KIF1B: variants seen among roughly 807,000 people sequenced by gnomAD.
KIF1B encodes kinesin-like protein KIF1B.
In KIF1B, 76 loss-of-function variants were observed where a neutral mutation model predicts 241.9. The ratio of observed to expected loss-of-function variants is 0.31; its 90% CI spans 0.26 to 0.38. The LOEUF (loss-of-function observed/expected upper bound fraction) is 0.38, where lower values mean the gene tolerates loss of function less well. KIF1B is among the 10% of genes least tolerant of loss of function. The pLI, the probability that KIF1B is intolerant of heterozygous loss-of-function variation, is 1.00. For missense variants in KIF1B, 1,622 were observed against 2,271.4 expected, an observed-to-expected ratio of 0.71 and a Z score of 5.81; for synonymous variants, 750 against 796.7, an observed-to-expected ratio of 0.94 and a Z score of 0.99.
intron 37 of KIF1B, among the ~76,000 whole-genome samples, chr1:10,351,734 G>A (rs1569878696): frequency 6.6e-6 from 1 of 152,228 alleles, no homozygotes. Flanking sequence ...GGGAGGCCAA[G>A]GCAGGAGGAT....
rs998980655 is a variant in KIF1B at position 10,377,811 on chromosome 1, C to T, written c.*1224C>T. The T allele has an allele frequency of 3.8e-5, 7 of 183,992 alleles. No individual in the cohort carries two copies. The highest frequency in any genetic ancestry group is 8.1e-5 in the Non-Finnish European group (7 of 86,798). 11.4% of individuals were successfully genotyped at this position (183,992 alleles called of 1,614,324 possible). On this transcript the variant is annotated 3_prime_UTR_variant, in exon 49 of 49. Transcript: ENST00000676179. The stretch of plus-strand genomic sequence containing the variant: ...ATTAGTCGGGTATGGTGGCACATGC[C>T]TGTAATTCCAGCTGCTTGGGAGCCT...
At chr1:10,297,778 A>G (rs558414324) in intron 22 of KIF1B, among the ~76,000 whole-genome samples, 1 of 151,564 alleles carries the variant, frequency 6.6e-6, no homozygotes, top group Non-Finnish European at 1.5e-5. Flanking sequence ...TATCCCCTGC[A>G]TGGAGTCTGA....
chr1:10,349,575 A>G (rs1652713608), intron 37 of KIF1B, among the ~76,000 whole-genome samples: 1 of 152,196 alleles, frequency 6.6e-6, no homozygotes, highest in Non-Finnish European at 1.5e-5. Flanking sequence ...GAGAGTTAAC[A>G]GTGAAAACAA....
chr1:10,274,924 G>C (rs1010896707), intron 10 of KIF1B: 1 of 394,998 alleles, frequency 2.5e-6, no homozygotes, highest in African/African-American at 2.2e-5. Context: ...GTAAGAAAAA[G>C]GATAAAAAAT....
chr1:10,373,061 C>T (rs141163457), intron 45 of KIF1B, among the ~76,000 whole-genome samples: 1,953 of 151,736 alleles, frequency 0.013, 43 homozygotes, highest in African/African-American at 0.045. Flanking sequence ...ATGATCCACC[C>T]GCCTCGACCT....
intron 2 of KIF1B, among the ~76,000 whole-genome samples, chr1:10,250,156 A>T (rs4846205): frequency 0.32 from 48,383 of 151,848 alleles, 7,813 homozygotes; most frequent in Middle Eastern, 0.37. Flanking sequence ...ATGGAATATT[A>T]TCATACCTAC....
chr1:10,368,493 C>A lies in KIF1B; in HGVS notation c.4779C>A (p.Phe1593Leu), dbSNP rs766475937. Reference protein sequence around the residue: ...TKCLQLLTHTFNREFSQVHGS... With the variant: ...TKCLQLLTHTLNREFSQVHGS... The stretch of plus-strand genomic sequence containing the variant: ...GCCTGCAACTTCTCACCCACACTTT[C>A]AACAGAGAATTCAGCCAGGTGCACG... Residue 1593 changes from phenylalanine to leucine, a missense_variant, in exon 44 of 49, where the codon TTC becomes TTA. Physicochemically the swap from Phe to Leu is conservative, Grantham distance 22. This residue lies in a region of KIF1B where 357 missense variants were observed against 409.0 expected (regional missense o/e 0.87). Coordinates refer to ENST00000676179, the MANE Select transcript of KIF1B (RefSeq NM_001365951.3). The A allele has an allele frequency of 1.8e-5, 29 of 1,613,946 alleles. No individual in the cohort carries two copies. Among genetic ancestry groups the A allele is most frequent in the Non-Finnish European group, 2.5e-5 (29 of 1,179,968 alleles).
intron 32 of KIF1B, 57 bp from the exon 33 acceptor site, chr1:10,341,993 A>G: frequency 9.2e-7 from 1 of 1,089,580 alleles, no homozygotes; most frequent in South Asian, 1.2e-5. Flanking sequence ...TAAAGTTCTG[A>G]TTGAAGCAAA....
At chr1:10,368,964 A>G (rs1343446927) in intron 44 of KIF1B, among the ~76,000 whole-genome samples, 2 of 152,078 alleles carry the variant, frequency 1.3e-5, no homozygotes, top group African/African-American at 4.8e-5. Context: ...AGTCAGCTTG[A>G]CCTTAAACCC....
intron 35 of KIF1B, among the ~76,000 whole-genome samples, chr1:10,347,211 A>G (rs916291110): frequency 6.6e-6 from 1 of 152,210 alleles, no homozygotes; most frequent in South Asian, 2.1e-4. Flanking sequence ...ATGTTCTCCT[A>G]TATGTAATTC....
At chr1:10,366,275 T>G (rs752181691) in intron 43 of KIF1B, among the ~76,000 whole-genome samples, 18 of 151,832 alleles carry the variant, frequency 1.2e-4, no homozygotes, top group Non-Finnish European at 2.4e-4. Flanking sequence ...TTAAAAAATA[T>G]AAAGGTTGCA....
Position 10,324,851 on chromosome 1 carries a change from C to T in KIF1B, c.2631C>T (p.Ser877=), listed in dbSNP as rs200060590. 6.2e-6 allele frequency: 10 copies of T among 1,613,950 alleles called. No individual in the cohort carries two copies. The highest frequency in any genetic ancestry group is 2.7e-5 in the African/African-American group (2 of 74,888). ...AAAGCGAAACCACTGTGACTGGCAGCGATCCCTTCTATGATCGGTTCCACT... is the reference window on the plus strand; with the variant it reads ...AAAGCGAAACCACTGTGACTGGCAGTGATCCCTTCTATGATCGGTTCCACT... ...QDESETTVTG[S]DPFYDRFHWF... The change falls in exon 26 of 49, where the codon AGC becomes AGT. Residue 877 remains serine (S), a synonymous_variant. Transcript: ENST00000676179.
intron 28 of KIF1B, among the ~76,000 whole-genome samples, chr1:10,335,860 G>T (rs1652149403): frequency 6.6e-6 from 1 of 151,290 alleles, no homozygotes; most frequent in African/African-American, 2.4e-5. Context: ...AAAAGATTTT[G>T]GTATTTTCCA....
intron 8 of KIF1B, among the ~76,000 whole-genome samples, 189 bp downstream of exon 8, chr1:10,271,768 C>A (rs1004691267): frequency 1.3e-5 from 2 of 152,136 alleles, no homozygotes; most frequent in Non-Finnish European, 2.9e-5. Flanking sequence ...TGTGTCTGTC[C>A]TTCTACGGAA....
At chr1:10,340,428 A>C (rs1008814425) in intron 32 of KIF1B, among the ~76,000 whole-genome samples, 1 of 152,206 alleles carries the variant, frequency 6.6e-6, no homozygotes, top group Admixed American at 6.5e-5. Context: ...GCTAATATTC[A>C]CTGAGAGTTT....
At chr1:10,300,903 T>C (rs1015702065) in intron 22 of KIF1B, among the ~76,000 whole-genome samples, 2 of 152,238 alleles carry the variant, frequency 1.3e-5, no homozygotes, top group East Asian at 1.9e-4. Flanking sequence ...GTGGGAGTTA[T>C]AAATGGGCTT....
chr1:10,316,168 G>A (rs1366730814), intron 22 of KIF1B, among the ~76,000 whole-genome samples: 1 of 151,252 alleles, frequency 6.6e-6, no homozygotes, highest in Non-Finnish European at 1.5e-5. Flanking sequence ...GAGAGGTCAA[G>A]GTTATAGTGA....
chr1:10,351,454 G>A (rs1265721428), intron 37 of KIF1B, among the ~76,000 whole-genome samples: 1 of 152,152 alleles, frequency 6.6e-6, no homozygotes, highest in Non-Finnish European at 1.5e-5. Context: ...AATCCTCATA[G>A]CAACCATATA....
At chr1:10,316,441 G>C (rs1180413683) in intron 22 of KIF1B, among the ~76,000 whole-genome samples, 1 of 151,450 alleles carries the variant, frequency 6.6e-6, no homozygotes, top group Non-Finnish European at 1.5e-5. Flanking sequence ...TGGATCGTAT[G>C]CATATCCTGT....
Sources: gnomAD v4.1 joint callset for allele counts (sites outside exome capture counted in the v4.1 genomes callset) on GRCh38, gnomAD v4.1.1 for gene constraint, gnomAD v4.1.1 regional missense constraint, MANE v1.5 for transcripts, NCBI Gene and HGNC (gene_info 2026-07-23, HGNC 2026-07-21) for gene names.